The following LARP4B variants were observed in gnomAD, a reference collection of about 807,000 sequenced individuals.
The protein encoded by LARP4B is La ribonucleoprotein 4B.
Under a neutral mutation model 89.8 loss-of-function variants are expected in LARP4B, and 12 were observed. That is an observed-to-expected ratio of 0.13 (90% CI 0.09 to 0.22). The LOEUF is 0.22. Ranked by LOEUF, LARP4B falls within the 10% of genes least tolerant of loss-of-function variation. The pLI, the probability that LARP4B is intolerant of heterozygous loss-of-function variation, is 1.00. For synonymous variants in LARP4B, 367 were observed against 363.3 expected (o/e 1.01, Z -0.12); for missense variants, 757 against 947.7 (o/e 0.80, Z 2.64).
intron 1 of LARP4B, among the ~76,000 whole-genome samples, chr10:905,157 G>A (rs775253359): frequency 6.6e-6 from 1 of 152,098 alleles, no homozygotes; most frequent in Non-Finnish European, 1.5e-5. Context: ...TTTCAAATAA[G>A]GGATACTCAA....
chr10:821,873 C>A (rs1340477506), intron 13 of LARP4B, among the ~76,000 whole-genome samples: 2 of 152,174 alleles, frequency 1.3e-5, no homozygotes, highest in Non-Finnish European at 2.9e-5. Context: ...TGGTGCCTTG[C>A]GGAGACTGCA....
upstream of LARP4B, among the ~76,000 whole-genome samples, chr10:932,024 T>C (rs1415470647): frequency 4.3e-5 from 5 of 116,974 alleles, no homozygotes; most frequent in Non-Finnish European, 8.2e-5. Context: ...CCGGAGCGCC[T>C]GACGCTGGGG....
intron 1 of LARP4B, among the ~76,000 whole-genome samples, chr10:899,972 C>T (rs915469268): frequency 2.6e-5 from 4 of 151,990 alleles, no homozygotes; most frequent in African/African-American, 9.7e-5. Context: ...GTTTACCACC[C>T]AGACTTTGAT....
At chr10:975,322 T>C in the LARP4B span, among the ~76,000 whole-genome samples, 1 of 152,136 alleles carries the variant, frequency 6.6e-6, no homozygotes, top group Non-Finnish European at 1.5e-5. Context: ...AATAGTGACA[T>C]GTTGTTTTAT....
chr10:926,597 A>G (rs1258907805), intron 1 of LARP4B, among the ~76,000 whole-genome samples: 1 of 152,244 alleles, frequency 6.6e-6, no homozygotes, highest in African/African-American at 2.4e-5. Context: ...CAGTGCGACT[A>G]AAATGATTTG....
chr10:882,286 A>G (rs1835701719), intron 3 of LARP4B, among the ~76,000 whole-genome samples: 1 of 152,216 alleles, frequency 6.6e-6, no homozygotes, highest in African/African-American at 2.4e-5. Context: ...ACACAGTACC[A>G]GAAGTTTACA....
intron 5 of LARP4B, among the ~76,000 whole-genome samples, chr10:860,185 C>A (rs1834526950): frequency 6.6e-6 from 1 of 151,922 alleles, no homozygotes; most frequent in African/African-American, 2.4e-5. Context: ...TCGCTGTGAA[C>A]CTGAAAGTGC....
chr10:818,003 G>T, intron 14 of LARP4B, 114 bp from the exon 15 acceptor site: 1 of 1,037,792 alleles, frequency 9.6e-7, no homozygotes, highest in African/African-American at 1.6e-5. Context: ...ATTCAACCCA[G>T]ACAAGGGCTT....
chr10:829,078 C>G (rs577526601), intron 11 of LARP4B, among the ~76,000 whole-genome samples: 1 of 152,342 alleles, frequency 6.6e-6, no homozygotes, highest in East Asian at 1.9e-4. Context: ...GTTAATCCCC[C>G]TTGCATTGTA....
intron 8 of LARP4B, among the ~76,000 whole-genome samples, chr10:832,541 T>C (rs1832964233): frequency 6.6e-6 from 1 of 152,128 alleles, no homozygotes; most frequent in Non-Finnish European, 1.5e-5. Flanking sequence ...CACCAAAGCA[T>C]ATTGCAATCA....
At chr10:927,810 A>G (rs1837187173) in intron 1 of LARP4B, among the ~76,000 whole-genome samples, 1 of 152,258 alleles carries the variant, frequency 6.6e-6, no homozygotes, top group Non-Finnish European at 1.5e-5. Context: ...AAGAAATTAC[A>G]AGAATATACT....
At chr10:969,493 G>A in the LARP4B span, among the ~76,000 whole-genome samples, 1 of 152,286 alleles carries the variant, frequency 6.6e-6, no homozygotes, top group Middle Eastern at 3.4e-3. Flanking sequence ...ACTTTGGGAG[G>A]CAGAGGTGGA....
intron 5 of LARP4B, 146 bp from the exon 6 acceptor site, chr10:845,201 A>C: frequency 1.8e-6 from 1 of 570,742 alleles, no homozygotes; most frequent in Non-Finnish European, 3.0e-6. Flanking sequence ...TACTTTACCT[A>C]TCAAAAAAGT....
At chr10:873,462 C>G (rs1835324720) in intron 3 of LARP4B, 1 of 970,968 alleles carries the variant, frequency 1.0e-6, no homozygotes, top group Non-Finnish European at 1.2e-6. Flanking sequence ...AATATTATCC[C>G]AGCCAGAAAG....
At chr10:926,472 G>C (rs1479180335) in intron 1 of LARP4B, among the ~76,000 whole-genome samples, 20 of 152,150 alleles carry the variant, frequency 1.3e-4, no homozygotes, top group Admixed American at 1.3e-3. Flanking sequence ...TTAAAAGGTG[G>C]GGCAGGGCAA....
intron 3 of LARP4B, among the ~76,000 whole-genome samples, chr10:869,276 T>C (rs1835071061): frequency 1.3e-5 from 2 of 152,174 alleles, no homozygotes; most frequent in Non-Finnish European, 2.9e-5. Context: ...GACTTATACC[T>C]TCAATGGGCT....
chr10:902,933 G>C (rs578183882), intron 1 of LARP4B, among the ~76,000 whole-genome samples: 4 of 152,306 alleles, frequency 2.6e-5, no homozygotes, highest in African/African-American at 9.6e-5. Flanking sequence ...GTGAGCCACG[G>C]TGCCTGGCAT....
In LARP4B at chr10:820,824, C is replaced by T. The variant is rs138617518; in HGVS notation, c.1506G>A (p.Arg502=). 6.2e-7 allele frequency: 1 copy of T among 1,613,786 alleles called. No homozygotes were observed. The highest frequency in any genetic ancestry group is 8.5e-7 in the Non-Finnish European group (1 of 1,179,750). The change falls in exon 14 of 18, where the codon CGG becomes CGA. Residue 502 remains arginine, a synonymous_variant. Transcript: ENST00000316157. ...CTGTAAACTTCTCCTCCCTTTTCTTCCGGTAGCCAAAGGAATTCTTCCTAG... is the reference window on the plus strand; with the variant it reads ...CTGTAAACTTCTCCTCCCTTTTCTTTCGGTAGCCAAAGGAATTCTTCCTAG... ...GRGRKNSFGY[R]KKREEKFTSS...
At chr10:927,039 C>CA (rs780081413) in intron 1 of LARP4B, among the ~76,000 whole-genome samples, 15,861 of 98,106 alleles carry the variant, frequency 0.16, 956 homozygotes, top group Middle Eastern at 0.25. Context: ...GACTCGGTCT[C>CA]AAAAAAAAAA....
Sources: allele counts gnomAD v4.1 joint callset (sites outside exome capture counted in the v4.1 genomes callset), GRCh38; gene constraint gnomAD v4.1.1; transcripts MANE v1.5; gene names NCBI Gene and HGNC (gene_info 2026-07-23, HGNC 2026-07-21).